Variants in VPS25 observed in about 807,000 individuals in gnomAD.
The protein encoded by VPS25 is vacuolar protein sorting 25 homolog, also known as vacuolar protein-sorting-associated protein 25.
A neutral mutation model predicts 30.3 loss-of-function variants in VPS25; 21 were observed. The observed-to-expected ratio is 0.69, with a 90% CI of 0.49 to 1.00. VPS25 has a LOEUF of 1.00. Ranked by LOEUF, VPS25 falls within the 50% of genes least tolerant of loss-of-function variation. VPS25 has a pLI of 0.00. For missense variants in VPS25, 156 were observed against 217.2 expected (o/e 0.72, Z 1.77); for synonymous variants, 101 against 88.1 (o/e 1.15, Z -0.82).
chr17:42,773,781 C>T lies in VPS25; in HGVS notation c.102C>T (p.Cys34=). Residue 34 remains cysteine (C), a synonymous_variant, in exon 2 of 6, where the codon TGC becomes TGT. Transcript: ENST00000253794. Reference sequence around the variant, plus strand: ...GGCAGAAGCAGCTGGCCGCCTGGTGCTCGCTGGTCCTGTCCTTCTGCCGCC... The same window carrying T: ...GGCAGAAGCAGCTGGCCGCCTGGTGTTCGCTGGTCCTGTCCTTCTGCCGCC... ...DTRQKQLAAW[C]SLVLSFCRLH... is the part of the protein sequence containing the mutation. The T allele has an allele frequency of 6.2e-7, 1 of 1,614,180 alleles. No individual in the cohort carries two copies. Among genetic ancestry groups the T allele is most frequent in the Non-Finnish European group, 8.5e-7 (1 of 1,180,042 alleles).
chr17:42,773,980 G>C (rs1156280964), intron 2 of VPS25, 102 bp downstream of exon 2: 8 of 1,395,614 alleles, frequency 5.7e-6, no homozygotes, highest in African/African-American at 1.4e-5. Context: ...ACCCATGGTA[G>C]GCAGATTCCC....
At position 42,778,943 on chromosome 17, in the gene VPS25, C is replaced by T. The variant is rs201145202; in HGVS notation, c.419-14C>T. The T allele has an allele frequency of 1.1e-4, 170 of 1,612,694 alleles. No homozygotes were observed. In the Middle Eastern group the frequency reaches 1.2e-3, roughly 11 times the overall value. On this transcript the variant is annotated splice_polypyrimidine_tract_variant and intron_variant, in intron 5 of 5. Transcript: ENST00000253794. ...TCAGGAGCTGATTGTCTCTGCCTAT[C>T]TCTCCCTGTTCAGAGTTCCACGGGC...
intron 5 of VPS25, 149 bp downstream of exon 5, chr17:42,776,469 T>C: frequency 1.5e-6 from 1 of 661,572 alleles, no homozygotes; most frequent in Middle Eastern, 4.4e-4. Context: ...TTGAAGCGAT[T>C]CTCCTGCCTC....
Position 42,773,891 on chromosome 17 carries a change from A to G in VPS25, c.199+13A>G. 1 of 1,610,186 alleles carries G rather than the reference A, an allele frequency of 6.2e-7. No individual in the cohort carries two copies. Among genetic ancestry groups the G allele is most frequent in the Non-Finnish European group, 8.5e-7 (1 of 1,179,380 alleles). On this transcript the variant is annotated intron_variant, in intron 2 of 5. Transcript: ENST00000253794. ...GTCAAGCTACAGCGTATCCTCCCTC[A>G]GGCTCTTCCACAGCCCATACACATG... is the stretch of plus-strand genomic sequence containing the variant.
chr17:42,777,040 GA>G (rs1396335199), intron 5 of VPS25, among the ~76,000 whole-genome samples: 1 of 152,102 alleles, frequency 6.6e-6, no homozygotes, highest in Non-Finnish European at 1.5e-5. Flanking sequence ...GCAACACAGG[GA>G]GATCCTGTCT....
At chr17:42,777,911 G>A (rs970378594) in intron 5 of VPS25, among the ~76,000 whole-genome samples, 1 of 152,166 alleles carries the variant, frequency 6.6e-6, no homozygotes, top group African/African-American at 2.4e-5. Context: ...CCCTAGCAGA[G>A]TTTATAGCTC....
Position 42,773,535 on chromosome 17 carries a change from C to T in VPS25, c.53+7C>T, listed in dbSNP as rs1483077182. On this transcript the variant is annotated splice_region_variant and intron_variant, in intron 1 of 5. Transcript: ENST00000253794. Reference sequence around the variant, plus strand: ...GCTTCCCACCCTTCTTTACGTGAGGCTCAGACCCCAAGAAGCACCGCTGTG... The same window carrying T: ...GCTTCCCACCCTTCTTTACGTGAGGTTCAGACCCCAAGAAGCACCGCTGTG... 2 of 1,614,066 alleles carry T rather than the reference C, an allele frequency of 1.2e-6. No homozygotes were observed. Among genetic ancestry groups the T allele is most frequent in the African/African-American group, 2.7e-5 (2 of 74,918 alleles).
rs559802613 is a variant in VPS25, at chr17:42,778,089, G to A, written c.419-868G>A. Among the ~76,000 whole-genome samples the A allele has an allele frequency of 1.2e-4, 18 of 152,242 alleles. No homozygotes were observed. In the East Asian group the frequency reaches 3.1e-3, roughly 26 times the overall value. On this transcript the variant is annotated intron_variant, in intron 5 of 5. Transcript: ENST00000253794. ...TAGCTGAGCCCCCACAGGGGGTGAG[G>A]TAAGCAAGCCTGTCAGGGCTTGCCT...
At chr17:42,776,439 T>C (rs1002309019) in intron 5 of VPS25, 119 bp downstream of exon 5, 8 of 872,208 alleles carry the variant, frequency 9.2e-6, no homozygotes, top group African/African-American at 1.7e-5. Flanking sequence ...CTCGGCTCAC[T>C]GCAACCTCCG....
At position 42,773,813 on chromosome 17, in the gene VPS25, A is replaced by G. The variant is rs199630142; in HGVS notation, c.134A>G (p.Lys45Arg). Residue 45 changes from lysine (K) to arginine (R), a missense_variant, in exon 2 of 6, where the codon AAA becomes AGA. Lys to Arg is a conservative substitution (Grantham distance 26). Coordinates refer to ENST00000253794, the MANE Select transcript of VPS25 (RefSeq NM_032353.4). ...GTCCTGTCCTTCTGCCGCCTGCACA[A>G]ACAGTCCAGCATGACGGTGATGGAA... is the stretch of plus-strand genomic sequence containing the variant. ...SLVLSFCRLH[K>R]QSSMTVMEAQ... 68 of 1,614,122 alleles carry G rather than the reference A, an allele frequency of 4.2e-5. No individual in the cohort carries two copies. The East Asian group carries it at 7.1e-4, about 17-fold the overall frequency.
At position 42,774,605 on chromosome 17, in the gene VPS25, A is replaced by G. The variant is rs771614340; in HGVS notation, c.200-41A>G. On this transcript the variant is annotated intron_variant, in intron 2 of 5. Transcript: ENST00000253794. The stretch of plus-strand genomic sequence containing the variant: ...GACTGGCTCTGAAAATTTTTATCCT[A>G]CCCAACTCATGTGTATGCCGTTCCC... The G allele has an allele frequency of 3.1e-6, 5 of 1,591,852 alleles. No homozygotes were observed. In the African/African-American group the frequency reaches 4.0e-5, roughly 13 times the overall value.
intron 1 of VPS25, 80 bp downstream of exon 1, chr17:42,773,608 T>G: frequency 1.2e-6 from 2 of 1,608,676 alleles, no homozygotes; most frequent in Non-Finnish European, 1.7e-6. Flanking sequence ...ATGCTTCATA[T>G]GGGGAGGGGG....
intron 2 of VPS25, 184 bp from the exon 3 acceptor site, chr17:42,774,462 G>A (rs2054426022): frequency 2.2e-6 from 1 of 446,736 alleles, no homozygotes; most frequent in African/African-American, 2.0e-5. Context: ...CTTTTAATTG[G>A]AAGAGTTTCT....
intron 4 of VPS25, 77 bp downstream of exon 4, chr17:42,775,546 C>A: frequency 2.4e-6 from 3 of 1,252,466 alleles, no homozygotes; most frequent in South Asian, 1.3e-5. Flanking sequence ...AGCAGATAGC[C>A]GGTGTTCCCA....
At chr17:42,774,452 C>T (rs2054425975) in intron 2 of VPS25, 194 bp from the exon 3 acceptor site, 2 of 445,180 alleles carry the variant, frequency 4.5e-6, no homozygotes, top group East Asian at 6.5e-5. Flanking sequence ...CATAAAGCTC[C>T]TTTTAATTGG....
intron 2 of VPS25, chr17:42,774,115 G>A: frequency 4.5e-6 from 2 of 440,086 alleles, no homozygotes; most frequent in African/African-American, 2.0e-5. Flanking sequence ...TAGAATTTCT[G>A]CCCTGAAGCC....
At position 42,774,725 on chromosome 17, in the gene VPS25, A is replaced by G. The variant is rs2305219; in HGVS notation, c.253+26A>G. Reference sequence around the variant, plus strand: ...GTGGGTTCAGTTCCCCAGATTCCTTATTTTTCTTCCTAGTTGGGTTTTCCT... The same window carrying G: ...GTGGGTTCAGTTCCCCAGATTCCTTGTTTTTCTTCCTAGTTGGGTTTTCCT... On this transcript the variant is annotated intron_variant, in intron 3 of 5. Coordinates refer to ENST00000253794, the MANE Select transcript of VPS25 (RefSeq NM_032353.4). The G allele has an allele frequency of 9.5e-3, 15,235 of 1,605,240 alleles. 682 individuals carry two copies. In the South Asian group the frequency reaches 0.099, roughly 10 times the overall value.
rs550686063 is a variant in VPS25 at position 42,776,658 on chromosome 17, C to T, written c.418+338C>T. Among the ~76,000 whole-genome samples the T allele has an allele frequency of 7.5e-4, 111 of 147,750 alleles. 2 individuals are homozygous for T. In the East Asian group the frequency reaches 0.021, roughly 28 times the overall value. Reference sequence around the variant, plus strand: ...ATTAGAGGCGTGAGCCACTGTGCCCCGCCTGTTTTTTTTTTTTTTTTTTTG... The same window carrying T: ...ATTAGAGGCGTGAGCCACTGTGCCCTGCCTGTTTTTTTTTTTTTTTTTTTG... On this transcript the variant is annotated intron_variant, in intron 5 of 5. Coordinates refer to ENST00000253794, the MANE Select transcript of VPS25 (RefSeq NM_032353.4).
chr17:42,776,104 T>C (rs2054433858), intron 4 of VPS25, 141 bp from the exon 5 acceptor site: 1 of 682,410 alleles, frequency 1.5e-6, no homozygotes, highest in African/African-American at 1.8e-5. Flanking sequence ...TTTATGGCTT[T>C]TAGGCCACTC....
Sources: gnomAD v4.1 joint callset for allele counts (sites outside exome capture counted in the v4.1 genomes callset) on GRCh38, gnomAD v4.1.1 for gene constraint, MANE v1.5 for transcripts, NCBI Gene and HGNC (gene_info 2026-07-23, HGNC 2026-07-21) for gene names.